IQCJ: variants seen among roughly 807,000 people sequenced by gnomAD.
IQCJ encodes IQ motif containing J.
A neutral mutation model predicts 11.0 loss-of-function variants in IQCJ; 9 were observed. The observed-to-expected ratio is 0.82, with a 90% CI of 0.49 to 1.43. The LOEUF (loss-of-function observed/expected upper bound fraction) is 1.43, where lower values mean the gene tolerates loss of function less well. Ranked by LOEUF, IQCJ falls within the 40% of genes most tolerant of loss-of-function variation. The pLI, the probability that IQCJ is intolerant of heterozygous loss-of-function variation, is 0.00. For synonymous variants in IQCJ, 55 were observed against 51.3 expected (o/e 1.07, Z -0.31); for missense variants, 146 against 133.2 (o/e 1.10, Z -0.47).
chr3:159,091,670 GCATGCACACACACACACACACACACACA>G, intron 1 of IQCJ, among the ~76,000 whole-genome samples: 1 of 62,578 alleles, frequency 1.6e-5, no homozygotes, highest in East Asian at 3.2e-4. Flanking sequence ...ACACACACAC[GCATGCACACACACACACACACACACACA>G]CACACACACA....
intron 1 of IQCJ, among the ~76,000 whole-genome samples, chr3:159,181,265 T>C (rs535909300): frequency 2.8e-4 from 43 of 151,554 alleles, no homozygotes; most frequent in Non-Finnish European, 6.0e-4. Flanking sequence ...AGTAGGATTC[T>C]TTTAAGCAAT....
chr3:159,240,106 G>A (rs1334921540), intron 1 of IQCJ, among the ~76,000 whole-genome samples: 1 of 151,948 alleles, frequency 6.6e-6, no homozygotes, highest in Non-Finnish European at 1.5e-5. Flanking sequence ...GGGAAAATAG[G>A]GGATAAATGT....
chr3:159,176,476 T>G (rs1722802319), intron 1 of IQCJ, among the ~76,000 whole-genome samples: 1 of 152,192 alleles, frequency 6.6e-6, no homozygotes. Flanking sequence ...AAAGCAACAC[T>G]AGATTTTGAA....
At position 159,263,352 on chromosome 3, in the gene IQCJ, G is replaced by T. The variant is rs544067185; in HGVS notation, c.*621G>T. 14 of 674,038 alleles carry T rather than the reference G, an allele frequency of 2.1e-5. No homozygotes were observed. The highest frequency in any genetic ancestry group is 7.8e-5 in the African/African-American group (4 of 51,184). 41.8% of individuals were successfully genotyped at this position (674,038 alleles called of 1,614,324 possible). A position where few individuals can be genotyped will look rare whatever the true frequency, so the allele number is the denominator to read the frequency against. On this transcript the variant is annotated 3_prime_UTR_variant, in exon 4 of 4. Coordinates refer to ENST00000397832, the MANE Select transcript of IQCJ (RefSeq NM_001042706.3). ...TAAGAAAATTTAAAAGGTAAAGTAA[G>T]CATGCCTACAGACCACAATTGACCT... is the stretch of plus-strand genomic sequence containing the variant.
intron 1 of IQCJ, among the ~76,000 whole-genome samples, chr3:159,220,720 C>T (rs941379421): frequency 1.3e-5 from 2 of 152,158 alleles, no homozygotes; most frequent in Non-Finnish European, 2.9e-5. Flanking sequence ...AATGGAGGAT[C>T]CCCGATGAAC....
At chr3:159,173,386 G>T (rs1018269813) in intron 1 of IQCJ, among the ~76,000 whole-genome samples, 2 of 152,094 alleles carry the variant, frequency 1.3e-5, no homozygotes, top group African/African-American at 2.4e-5. Flanking sequence ...ATTTTGGAGG[G>T]TATATTTTCT....
chr3:159,208,811 A>G (rs1467318327), intron 1 of IQCJ, among the ~76,000 whole-genome samples: 4 of 152,198 alleles, frequency 2.6e-5, no homozygotes, highest in Non-Finnish European at 2.9e-5. Context: ...AGATGAGACA[A>G]TCCTGGATTA....
intron 1 of IQCJ, among the ~76,000 whole-genome samples, chr3:159,154,801 C>T (rs1341035260): frequency 6.6e-6 from 1 of 152,166 alleles, no homozygotes; most frequent in Non-Finnish European, 1.5e-5. Context: ...TCTGGTGTCA[C>T]CCCTGTAGCC....
At chr3:159,246,845 A>G (rs1187911388) in intron 2 of IQCJ, among the ~76,000 whole-genome samples, 1 of 152,170 alleles carries the variant, frequency 6.6e-6, no homozygotes, top group Non-Finnish European at 1.5e-5. Flanking sequence ...GTGCTCCAGA[A>G]AATAGAACAA....
At chr3:159,106,293 G>A (rs1216827769) in intron 1 of IQCJ, among the ~76,000 whole-genome samples, 2 of 152,112 alleles carry the variant, frequency 1.3e-5, no homozygotes, top group Non-Finnish European at 2.9e-5. Flanking sequence ...TAGAATAATA[G>A]CCCAGGGCTC....
intron 1 of IQCJ, among the ~76,000 whole-genome samples, chr3:159,244,143 T>G (rs1241378440): frequency 6.6e-6 from 1 of 152,180 alleles, no homozygotes; most frequent in African/African-American, 2.4e-5. Flanking sequence ...GACATGTACA[T>G]GGAACTGTCG....
chr3:159,239,793 T>C (rs1726806794), intron 1 of IQCJ, among the ~76,000 whole-genome samples: 1 of 152,224 alleles, frequency 6.6e-6, no homozygotes, highest in African/African-American at 2.4e-5. Context: ...GATTTGGATA[T>C]GTTTAGATAT....
In IQCJ at chr3:159,167,430, G is replaced by A. The variant is rs1722234687; in HGVS notation, c.10-78413G>A. On this transcript the variant is annotated intron_variant, in intron 1 of 3. Transcript: ENST00000397832. Reference sequence around the variant, plus strand: ...CATTGCAGCTCATAATTTCTGTTTTGCATCTCTTTTTTAGTGCACCCTGCT... The same window carrying A: ...CATTGCAGCTCATAATTTCTGTTTTACATCTCTTTTTTAGTGCACCCTGCT... 3.3e-5 allele frequency among the ~76,000 whole-genome samples: 5 copies of A among 152,016 alleles called. No individual in the cohort carries two copies. The South Asian group carries it at 8.3e-4, about 25-fold the overall frequency.
At chr3:159,179,952 G>C (rs545056957) in intron 1 of IQCJ, among the ~76,000 whole-genome samples, 36 of 142,084 alleles carry the variant, frequency 2.5e-4, no homozygotes, top group African/African-American at 8.1e-4. Flanking sequence ...TAAGCATGTG[G>C]AGAAATAGCA....
rs377752578 is a variant in IQCJ, at chr3:159,136,154, T to G, written c.9+66713T>G. Reference sequence around the variant, plus strand: ...CATAGCTATGCTGACTCTTTATCAGTACTGTGACCTTTTATCAGAATGAAA... The same window carrying G: ...CATAGCTATGCTGACTCTTTATCAGGACTGTGACCTTTTATCAGAATGAAA... On this transcript the variant is annotated intron_variant, in intron 1 of 3. Coordinates refer to ENST00000397832, the MANE Select transcript of IQCJ (RefSeq NM_001042706.3). Among the ~76,000 whole-genome samples the G allele has an allele frequency of 3.1e-4, 47 of 152,308 alleles. No homozygotes were observed. The East Asian group carries it at 5.0e-3, about 16-fold the overall frequency.
chr3:159,208,176 A>G (rs914982203), intron 1 of IQCJ, among the ~76,000 whole-genome samples: 2 of 152,196 alleles, frequency 1.3e-5, no homozygotes, highest in African/African-American at 4.8e-5. Context: ...CTCCTGACAG[A>G]TGATAGAAAG....
At chr3:159,233,071 C>A (rs912858509) in intron 1 of IQCJ, among the ~76,000 whole-genome samples, 11 of 152,262 alleles carry the variant, frequency 7.2e-5, no homozygotes, top group Admixed American at 2.6e-4. Context: ...TATTACTAAC[C>A]TTTTCTTTCT....
chr3:159,102,457 T>C (rs918703049), intron 1 of IQCJ, among the ~76,000 whole-genome samples: 2 of 151,980 alleles, frequency 1.3e-5, no homozygotes, highest in Non-Finnish European at 2.9e-5. Flanking sequence ...CAGGAAAGAG[T>C]AAGCATTAAT....
chr3:159,120,079 TAGTCAAAAATTAGTTAAATC>T (rs1719271372), intron 1 of IQCJ, among the ~76,000 whole-genome samples: 1 of 152,200 alleles, frequency 6.6e-6, no homozygotes, highest in Non-Finnish European at 1.5e-5. Context: ...CATTACTACA[TAGTCAAAAATTAGTTAAATC>T]AGTCAAAAAT....
Sources: gnomAD v4.1 joint callset for allele counts (sites outside exome capture counted in the v4.1 genomes callset) on GRCh38, gnomAD v4.1.1 for gene constraint, MANE v1.5 for transcripts, NCBI Gene and HGNC (gene_info 2026-07-23, HGNC 2026-07-21) for gene names.